The following NRG3 variants were observed in gnomAD, a reference collection of about 807,000 sequenced individuals.
The protein encoded by NRG3 is pro-neuregulin-3, membrane-bound isoform.
In NRG3, 31 loss-of-function variants were observed where a neutral mutation model predicts 66.9. The ratio of observed to expected loss-of-function variants is 0.46; its 90% CI spans 0.35 to 0.63. The LOEUF (loss-of-function observed/expected upper bound fraction) is 0.63. NRG3 is among the 20% of genes least tolerant of loss of function. The pLI, the probability that NRG3 is intolerant of heterozygous loss-of-function variation, is 0.00. For missense variants in NRG3, 910 were observed against 878.9 expected (o/e 1.04, Z -0.45); for synonymous variants, 393 against 359.4 (o/e 1.09, Z -1.06).
At chr10:82,350,104 A>G (rs2083336597) in intron 1 of NRG3, among the ~76,000 whole-genome samples, 1 of 152,202 alleles carries the variant, frequency 6.6e-6, no homozygotes, top group Non-Finnish European at 1.5e-5. Flanking sequence ...CTGCTTTTTT[A>G]CACGGAACCC....
chr10:82,898,938 C>T (rs942955046), intron 4 of NRG3, among the ~76,000 whole-genome samples: 1 of 151,900 alleles, frequency 6.6e-6, no homozygotes, highest in Non-Finnish European at 1.5e-5. Flanking sequence ...TCTCAATCTC[C>T]TGACCTCGTG....
intron 6 of NRG3, among the ~76,000 whole-genome samples, chr10:82,966,114 A>G (rs1295749239): frequency 1.3e-5 from 2 of 152,156 alleles, no homozygotes. Flanking sequence ...GTAGGGCACA[A>G]TTCTGAAACT....
intron 1 of NRG3, among the ~76,000 whole-genome samples, chr10:81,998,129 G>T (rs970365491): frequency 6.6e-6 from 1 of 152,132 alleles, no homozygotes; most frequent in Non-Finnish European, 1.5e-5. Context: ...CTTGACAGTT[G>T]CAAGGATATT....
intron 2 of NRG3, among the ~76,000 whole-genome samples, chr10:82,662,619 A>T (rs1003436803): frequency 6.6e-6 from 1 of 152,184 alleles, no homozygotes; most frequent in Non-Finnish European, 1.5e-5. Context: ...AAGGGAATGG[A>T]TATGTGCCAA....
At chr10:82,918,487 T>A (rs1218006326) in intron 4 of NRG3, among the ~76,000 whole-genome samples, 3 of 152,140 alleles carry the variant, frequency 2.0e-5, no homozygotes, top group Middle Eastern at 3.4e-3. Flanking sequence ...CACATGAGAG[T>A]TGCTTGGGAA....
intron 2 of NRG3, among the ~76,000 whole-genome samples, chr10:82,471,137 G>T (rs113261805): frequency 1.3e-5 from 2 of 152,280 alleles, no homozygotes; most frequent in East Asian, 3.9e-4. Context: ...ACTTCGAAGG[G>T]TGAGAAGGGC....
intron 1 of NRG3, among the ~76,000 whole-genome samples, chr10:81,972,124 A>G (rs2059956057): frequency 6.6e-6 from 1 of 152,212 alleles, no homozygotes; most frequent in Admixed American, 6.5e-5. Context: ...CTAATTAGGC[A>G]TAGACTAACA....
intron 1 of NRG3, among the ~76,000 whole-genome samples, chr10:82,168,770 AT>A (rs1046384133): frequency 4.6e-5 from 7 of 152,126 alleles, no homozygotes; most frequent in African/African-American, 1.7e-4. Flanking sequence ...GAAGTTCTCC[AT>A]TTTTAAAATT....
intron 3 of NRG3, among the ~76,000 whole-genome samples, chr10:82,766,464 G>A (rs1204242196): frequency 6.6e-6 from 1 of 152,082 alleles, no homozygotes; most frequent in Non-Finnish European, 1.5e-5. Flanking sequence ...GAATGGAAAT[G>A]AACCCTAAAA....
chr10:82,512,859 T>A (rs1434126052), intron 2 of NRG3, among the ~76,000 whole-genome samples: 3 of 152,242 alleles, frequency 2.0e-5, no homozygotes, highest in Non-Finnish European at 2.9e-5. Context: ...TCAATATCAT[T>A]TTTTTAAAAT....
chr10:82,231,616 T>TG (rs2076468235), intron 1 of NRG3, among the ~76,000 whole-genome samples: 1 of 152,178 alleles, frequency 6.6e-6, no homozygotes. Flanking sequence ...TCAATAGGAA[T>TG]GGATATCTGT....
At chr10:82,860,434 T>A (rs564705226) in intron 3 of NRG3, among the ~76,000 whole-genome samples, 2 of 152,252 alleles carry the variant, frequency 1.3e-5, no homozygotes, top group East Asian at 1.9e-4. Flanking sequence ...TAAGTAAACT[T>A]TGAGTATAAC....
chr10:82,275,434 G>A (rs1032351460), intron 1 of NRG3, among the ~76,000 whole-genome samples: 4 of 151,900 alleles, frequency 2.6e-5, no homozygotes, highest in African/African-American at 4.8e-5. Flanking sequence ...AAGGGTCAAG[G>A]CACTTACATG....
At chr10:82,960,135 T>A (rs571155994) in intron 6 of NRG3, among the ~76,000 whole-genome samples, 1 of 152,214 alleles carries the variant, frequency 6.6e-6, no homozygotes, top group Non-Finnish European at 1.5e-5. Context: ...TATTATGATG[T>A]CCATAACAGA....
chr10:82,528,801 G>GA (rs1212049546), intron 2 of NRG3, among the ~76,000 whole-genome samples: 2 of 152,022 alleles, frequency 1.3e-5, no homozygotes, highest in Non-Finnish European at 2.9e-5. Context: ...GCCAGTTGCA[G>GA]AAAAAAATCC....
At chr10:82,148,473 T>G (rs2070429726) in intron 1 of NRG3, among the ~76,000 whole-genome samples, 1 of 152,206 alleles carries the variant, frequency 6.6e-6, no homozygotes, top group Non-Finnish European at 1.5e-5. Context: ...TTGGACCAAA[T>G]GGCTTTTTTG....
intron 3 of NRG3, among the ~76,000 whole-genome samples, chr10:82,808,656 C>G (rs556343548): frequency 1.3e-5 from 2 of 152,138 alleles, no homozygotes; most frequent in South Asian, 4.2e-4. Flanking sequence ...AAACTTTTAC[C>G]TATTTATGAT....
At chr10:82,910,913 C>T (rs186437490) in intron 4 of NRG3, among the ~76,000 whole-genome samples, 25 of 152,320 alleles carry the variant, frequency 1.6e-4, no homozygotes, top group Admixed American at 5.2e-4. Flanking sequence ...CACAGTTGTG[C>T]GTGCATGGCA....
At chr10:82,426,235 G>A (rs890286088) in intron 2 of NRG3, among the ~76,000 whole-genome samples, 1 of 152,066 alleles carries the variant, frequency 6.6e-6, no homozygotes, top group East Asian at 1.9e-4. Context: ...ACTCCTGAAG[G>A]TAAAAGTTAT....
Sources: allele counts gnomAD v4.1 joint callset (sites outside exome capture counted in the v4.1 genomes callset), GRCh38; gene constraint gnomAD v4.1.1; transcripts MANE v1.5; gene names NCBI Gene and HGNC (gene_info 2026-07-23, HGNC 2026-07-21).